The following ANKRD11 variants were observed in gnomAD, a reference collection of about 807,000 sequenced individuals.
The protein encoded by ANKRD11 is ankyrin repeat domain-containing protein 11.
A neutral mutation model predicts 195.7 loss-of-function variants in ANKRD11; 17 were observed. That is an observed-to-expected ratio of 0.09 (90% CI 0.06 to 0.13). The LOEUF is 0.13. Among genes scored for constraint, ANKRD11 ranks in the 10% least tolerant of loss-of-function variants. ANKRD11 has a pLI of 1.00. For synonymous variants in ANKRD11, 1,953 were observed against 1,528.1 expected, an observed-to-expected ratio of 1.28 and a Z score of -6.49; for missense variants, 3,735 against 3,566.1, an observed-to-expected ratio of 1.05 and a Z score of -1.21.
At chr16:89,487,886 G>A (rs1597571380) in intron 1 of ANKRD11, among the ~76,000 whole-genome samples, 1 of 151,674 alleles carries the variant, frequency 6.6e-6, no homozygotes, top group African/African-American at 2.4e-5. Context: ...ACTTGCCACC[G>A]TATCAACACT....
intron 3 of ANKRD11, among the ~76,000 whole-genome samples, chr16:89,311,960 C>T (rs891690635): frequency 5.9e-5 from 9 of 152,156 alleles, no homozygotes; most frequent in Admixed American, 2.0e-4. Context: ...TGCGGTGATG[C>T]GATCTCAGCT....
At position 89,375,463 on chromosome 16, in the gene ANKRD11, TC is replaced by T. The variant is rs1269563017; in HGVS notation, c.-60+42820del. Reference sequence around the variant, plus strand: ...CCAGGCAACACAGCAAGACTCTATCTCTTTTTTTTTTTGGAGATGGAGTTTC... The same window carrying T: ...CCAGGCAACACAGCAAGACTCTATCTTTTTTTTTTTTGGAGATGGAGTTTC... On this transcript the variant is annotated intron_variant, in intron 2 of 12. Coordinates refer to ENST00000301030, the MANE Select transcript of ANKRD11 (RefSeq NM_013275.6). Among the ~76,000 whole-genome samples, 3 of 9,886 alleles carry T rather than the reference TC, an allele frequency of 3.0e-4. No individual in the cohort carries two copies. In the African/African-American group the frequency reaches 3.7e-3, roughly 12 times the overall value. The allele number at this position is 9,886 out of a possible 152,430, so 6.5% of individuals were successfully genotyped here.
At chr16:89,451,363 T>G (rs914903832) in intron 1 of ANKRD11, among the ~76,000 whole-genome samples, 2 of 151,160 alleles carry the variant, frequency 1.3e-5, no homozygotes, top group Non-Finnish European at 1.5e-5. Context: ...CTTACTGAAG[T>G]GCCAAAAATT....
intron 7 of ANKRD11, 148 bp downstream of exon 7, chr16:89,288,380 G>T: frequency 7.9e-7 from 1 of 1,265,340 alleles, no homozygotes; most frequent in Non-Finnish European, 1.1e-6. Context: ...CAGACAGAGG[G>T]CACAGCTCGG....
chr16:89,280,268 C>G lies in ANKRD11; in HGVS notation c.6274G>C (p.Val2092Leu), dbSNP rs769035062. ...TTTTCCAGGGGCCCCAGAGCCTCCA[C>G]CTGAGCCACAGCGGCTACACAGGCG... ...EPACVAAVAQ[V>L]EALGPLENSF... Residue 2092 changes from valine to leucine, a missense_variant, in exon 9 of 13, where the codon GTG becomes CTG. Transcript: ENST00000301030. 4 of 1,609,146 alleles carry G rather than the reference C, an allele frequency of 2.5e-6. No individual in the cohort carries two copies. Among genetic ancestry groups the G allele is most frequent in the Non-Finnish European group, 3.4e-6 (4 of 1,179,300 alleles).
At chr16:89,293,201 G>A (rs567217707) in intron 4 of ANKRD11, among the ~76,000 whole-genome samples, 49 of 152,332 alleles carry the variant, frequency 3.2e-4, no homozygotes, top group African/African-American at 1.1e-3. Flanking sequence ...ATGTTTTGGA[G>A]ACACGAAGCC....
intron 4 of ANKRD11, 185 bp downstream of exon 4, chr16:89,305,021 G>A (rs933781478): frequency 3.4e-6 from 3 of 878,164 alleles, no homozygotes; most frequent in Non-Finnish European, 3.4e-6. Flanking sequence ...CTGAGCCTCG[G>A]GTGCAAAGGA....
At chr16:89,323,971 A>C in intron 2 of ANKRD11, 1 of 224,504 alleles carries the variant, frequency 4.5e-6, no homozygotes, top group Non-Finnish European at 9.0e-6. Flanking sequence ...CCTCCCCTGC[A>C]CCCCAAAATT....
chr16:89,478,603 C>T (rs532933275), intron 1 of ANKRD11, among the ~76,000 whole-genome samples: 16 of 152,304 alleles, frequency 1.1e-4, no homozygotes, highest in Middle Eastern at 3.4e-3. Flanking sequence ...CGCTGCCCTC[C>T]AACAGTCACC....
chr16:89,383,686 C>T (rs1405096331), intron 2 of ANKRD11, among the ~76,000 whole-genome samples: 2 of 151,870 alleles, frequency 1.3e-5, no homozygotes, highest in Non-Finnish European at 2.9e-5. Context: ...ACGCAGCAGA[C>T]GTCCAGCCCC....
chr16:89,395,455 G>C (rs147429916), intron 2 of ANKRD11, among the ~76,000 whole-genome samples: 1 of 152,360 alleles, frequency 6.6e-6, no homozygotes, highest in East Asian at 1.9e-4. Context: ...CCAGCCCACG[G>C]CTGGGACACG....
At chr16:89,391,392 G>A (rs1369736950) in intron 2 of ANKRD11, among the ~76,000 whole-genome samples, 1 of 152,158 alleles carries the variant, frequency 6.6e-6, no homozygotes, top group Non-Finnish European at 1.5e-5. Context: ...TGGACCCCGT[G>A]CCGTCTCCAG....
In ANKRD11 at chr16:89,272,216, T is replaced by C. The variant is rs528738474; in HGVS notation, c.7714-1307A>G. ...AGACATCACTTCACCCCGGTTAAAA[T>C]AGCCTTTATCCAAAAGACAGACAAT... On this transcript the variant is annotated intron_variant, in intron 11 of 12. Coordinates refer to ENST00000301030, the MANE Select transcript of ANKRD11 (RefSeq NM_013275.6). The C allele has an allele frequency of 9.9e-5, 15 of 152,284 alleles. No homozygotes were observed. The South Asian group carries it at 1.7e-3, about 17-fold the overall frequency. 9.4% of individuals were successfully genotyped at this position (152,284 alleles called of 1,614,324 possible).
chr16:89,318,048 T>C (rs1597611419), intron 2 of ANKRD11, among the ~76,000 whole-genome samples: 1 of 152,216 alleles, frequency 6.6e-6, no homozygotes, highest in Non-Finnish European at 1.5e-5. Context: ...CCTCTCTTTC[T>C]GCAGGAAACC....
rs189102069 is a variant in ANKRD11, at chr16:89,364,831, C to T, written c.-59-47753G>A. ...GCTCCAAGTGGAAGCTTGCTCAGCA[C>T]CACGGCCAACCTGATCCCACTGCAG... On this transcript the variant is annotated intron_variant, in intron 2 of 12. Coordinates refer to ENST00000301030, the MANE Select transcript of ANKRD11 (RefSeq NM_013275.6). Among the ~76,000 whole-genome samples the T allele has an allele frequency of 3.3e-3, 508 of 152,326 alleles. 4 individuals carry two copies. Among genetic ancestry groups the T allele is most frequent in the African/African-American group, 0.012 (480 of 41,560 alleles).
At position 89,316,937 on chromosome 16, in the gene ANKRD11, T is replaced by C. The variant is rs1371285166; in HGVS notation, c.83A>G (p.Lys28Arg). ...SSDMVEKQTG[K>R]KDKDKVSLTK... Reference sequence around the variant, plus strand: ...GCTGGGAGGGGGCAGCATTACCTTTTTCCCAGTCTGCTTCTCCACCATGTC... The same window carrying C: ...GCTGGGAGGGGGCAGCATTACCTTTCTCCCAGTCTGCTTCTCCACCATGTC... Residue 28 changes from lysine to arginine, a missense_variant, in exon 3 of 13, where the codon AAA becomes AGA. Coordinates refer to ENST00000301030, the MANE Select transcript of ANKRD11 (RefSeq NM_013275.6). 1.2e-6 allele frequency: 2 copies of C among 1,613,450 alleles called. No individual in the cohort carries two copies. The highest frequency in any genetic ancestry group is 2.2e-5 in the East Asian group (1 of 44,872).
At chr16:89,360,624 A>C (rs1398921728) in intron 2 of ANKRD11, 1 of 152,226 alleles carries the variant, frequency 6.6e-6, no homozygotes, top group Non-Finnish European at 1.5e-5. Flanking sequence ...AAGCCAGTGC[A>C]CCTGAGATGA....
intron 2 of ANKRD11, among the ~76,000 whole-genome samples, chr16:89,413,468 AC>A (rs2042175571): frequency 1.3e-5 from 2 of 152,276 alleles, no homozygotes; most frequent in Middle Eastern, 3.4e-3. Flanking sequence ...TACTAAAGAT[AC>A]AAAAAATTAG....
chr16:89,280,816 G>A lies in ANKRD11; in HGVS notation c.5726C>T (p.Pro1909Leu), dbSNP rs780224924. ...LVPSLEGALP[P>L]DLDTSEDQQA... ...CTGGTCCTCGGAGGTGTCCAGGTCC[G>A]GGGGAAGGGCCCCTTCGAGGGAAGG... Residue 1909 changes from proline to leucine, a missense_variant, in exon 9 of 13, where the codon CCG (proline) becomes CTG (leucine). Physicochemically the swap from Pro to Leu is moderately conservative, Grantham distance 98. Coordinates refer to ENST00000301030, the MANE Select transcript of ANKRD11 (RefSeq NM_013275.6). 1.2e-5 allele frequency: 19 copies of A among 1,603,104 alleles called. No individual in the cohort carries two copies. The highest frequency in any genetic ancestry group is 1.7e-4 in the Middle Eastern group (1 of 6,034).
Sources: gnomAD v4.1 joint callset for allele counts (sites outside exome capture counted in the v4.1 genomes callset) on GRCh38, gnomAD v4.1.1 for gene constraint, MANE v1.5 for transcripts, NCBI Gene and HGNC (gene_info 2026-07-23, HGNC 2026-07-21) for gene names.